Variants in NKAIN2 observed in about 807,000 individuals in gnomAD.
NKAIN2 encodes the protein sodium/potassium transporting ATPase interacting 2.
Under a neutral mutation model 32.6 loss-of-function variants are expected in NKAIN2, and 14 were observed. That is an observed-to-expected ratio of 0.43 (90% CI 0.28 to 0.67). The LOEUF (loss-of-function observed/expected upper bound fraction) is 0.67, where lower values mean the gene tolerates loss of function less well. Ranked by LOEUF, NKAIN2 falls within the 30% of genes least tolerant of loss-of-function variation. The pLI, the probability that NKAIN2 is intolerant of heterozygous loss-of-function variation, is 0.17. For synonymous variants in NKAIN2, 80 were observed against 87.2 expected, an observed-to-expected ratio of 0.92 and a Z score of 0.46; for missense variants, 198 against 258.3, an observed-to-expected ratio of 0.77 and a Z score of 1.60.
intron 1 of NKAIN2, among the ~76,000 whole-genome samples, chr6:123,980,772 C>A (rs1032130364): frequency 1.1e-4 from 17 of 151,994 alleles, no homozygotes; most frequent in Admixed American, 3.3e-4. Context: ...ATTTCTGATC[C>A]CTTAACTGAC....
intron 3 of NKAIN2, among the ~76,000 whole-genome samples, chr6:124,633,850 T>C (rs1783668352): frequency 6.6e-6 from 1 of 152,162 alleles, no homozygotes; most frequent in African/African-American, 2.4e-5. Context: ...CCTCCACTGG[T>C]AGAGTCACTG....
At chr6:124,196,977 A>G (rs1790345639) in intron 1 of NKAIN2, among the ~76,000 whole-genome samples, 3 of 151,870 alleles carry the variant, frequency 2.0e-5, no homozygotes, top group Admixed American at 2.0e-4. Context: ...AAGGAAAGGT[A>G]TTAAGAAGGT....
chr6:124,040,403 A>C (rs1401682474), intron 1 of NKAIN2, among the ~76,000 whole-genome samples: 1 of 151,966 alleles, frequency 6.6e-6, no homozygotes, highest in Non-Finnish European at 1.5e-5. Context: ...TTGTGTATTA[A>C]GTATGTCTGA....
chr6:124,404,715 A>G lies in NKAIN2; in HGVS notation c.273+49368A>G, dbSNP rs544391680. ...ATTTTATGTATACTTTAAAGTTACA[A>G]ACTATGCATATATGCATATTTTTGA... On this transcript the variant is annotated intron_variant, in intron 3 of 6. Coordinates refer to ENST00000368417, the MANE Select transcript of NKAIN2 (RefSeq NM_001040214.3). 7.4e-4 allele frequency among the ~76,000 whole-genome samples: 112 copies of G among 152,256 alleles called. No homozygotes were observed. In the Middle Eastern group the frequency reaches 0.01, roughly 14 times the overall value.
chr6:124,002,850 T>C (rs1391794415), intron 1 of NKAIN2, among the ~76,000 whole-genome samples: 1 of 152,190 alleles, frequency 6.6e-6, no homozygotes, highest in African/African-American at 2.4e-5. Flanking sequence ...TAAATAGACT[T>C]TGGCAAGCTT....
intron 1 of NKAIN2, among the ~76,000 whole-genome samples, chr6:123,975,971 G>T (rs996760634): frequency 2.0e-5 from 3 of 151,798 alleles, no homozygotes; most frequent in African/African-American, 7.3e-5. Context: ...GATCATGGGG[G>T]CGGGTCTTTT....
At chr6:124,497,020 GC>G (rs1489678446) in intron 3 of NKAIN2, among the ~76,000 whole-genome samples, 1 of 152,026 alleles carries the variant, frequency 6.6e-6, no homozygotes, top group East Asian at 1.9e-4. Flanking sequence ...TCTCACTGCG[GC>G]CAGAAGCCCA....
At chr6:123,819,701 A>G (rs909809447) in intron 1 of NKAIN2, among the ~76,000 whole-genome samples, 5 of 152,184 alleles carry the variant, frequency 3.3e-5, no homozygotes, top group African/African-American at 1.2e-4. Context: ...CAGCAGGGTA[A>G]TTATTTAGGA....
chr6:124,236,204 A>T (rs1792750673), intron 1 of NKAIN2, among the ~76,000 whole-genome samples: 1 of 152,186 alleles, frequency 6.6e-6, no homozygotes, highest in Non-Finnish European at 1.5e-5. Flanking sequence ...GCAGTATGCT[A>T]TGTGATATGT....
chr6:124,308,671 T>C (rs1235745669), intron 2 of NKAIN2, among the ~76,000 whole-genome samples: 1 of 152,202 alleles, frequency 6.6e-6, no homozygotes, highest in Admixed American at 6.5e-5. Context: ...ATTAAATCTA[T>C]CTTCTCCTCT....
intron 3 of NKAIN2, among the ~76,000 whole-genome samples, chr6:124,500,715 T>C (rs1433077118): frequency 6.6e-6 from 1 of 151,662 alleles, no homozygotes; most frequent in East Asian, 1.9e-4. Context: ...AATGGGAAGA[T>C]AGGGCTAATG....
At chr6:124,758,706 G>T (rs1359653215) in intron 4 of NKAIN2, among the ~76,000 whole-genome samples, 1 of 151,948 alleles carries the variant, frequency 6.6e-6, no homozygotes, top group South Asian at 2.1e-4. Context: ...GCTTCAATTG[G>T]GTGATTTTTC....
intron 1 of NKAIN2, among the ~76,000 whole-genome samples, chr6:123,936,376 T>C (rs962377289): frequency 3.9e-5 from 6 of 152,174 alleles, no homozygotes. Context: ...ACTCCTATTA[T>C]TGCTTTTATA....
chr6:124,732,658 G>A (rs1348303779), intron 4 of NKAIN2, among the ~76,000 whole-genome samples: 2 of 151,982 alleles, frequency 1.3e-5, no homozygotes, highest in African/African-American at 4.8e-5. Flanking sequence ...AGATTGTATG[G>A]ATGGTGATAT....
chr6:123,995,027 C>A (rs985556855), intron 1 of NKAIN2, among the ~76,000 whole-genome samples: 1 of 152,108 alleles, frequency 6.6e-6, no homozygotes, highest in Non-Finnish European at 1.5e-5. Context: ...AGTTTTAGCT[C>A]TCTAAAGGAA....
intron 1 of NKAIN2, among the ~76,000 whole-genome samples, chr6:123,953,735 G>A (rs1030733169): frequency 6.6e-6 from 1 of 152,124 alleles, no homozygotes; most frequent in African/African-American, 2.4e-5. Context: ...CTTTTGTCAG[G>A]TCCCATGGTG....
At chr6:123,897,590 A>G (rs1022536908) in intron 1 of NKAIN2, among the ~76,000 whole-genome samples, 1 of 152,054 alleles carries the variant, frequency 6.6e-6, no homozygotes, top group African/African-American at 2.4e-5. Context: ...ACTGGGATGG[A>G]CATACTGCCC....
At chr6:124,614,607 C>G (rs1320562211) in intron 3 of NKAIN2, among the ~76,000 whole-genome samples, 1 of 152,126 alleles carries the variant, frequency 6.6e-6, no homozygotes, top group East Asian at 1.9e-4. Context: ...CTCTGAAACA[C>G]AGCTCTTCCC....
chr6:124,167,884 G>A (rs1224616273), intron 1 of NKAIN2, among the ~76,000 whole-genome samples: 2 of 152,012 alleles, frequency 1.3e-5, no homozygotes, highest in Non-Finnish European at 2.9e-5. Context: ...TATGTACTTA[G>A]GTAGCCTCTT....
Sources: gnomAD v4.1 joint callset for allele counts (sites outside exome capture counted in the v4.1 genomes callset) on GRCh38, gnomAD v4.1.1 for gene constraint, MANE v1.5 for transcripts, NCBI Gene and HGNC (gene_info 2026-07-23, HGNC 2026-07-21) for gene names.